The following LIPI variants were observed in gnomAD, a reference collection of about 807,000 sequenced individuals.
LIPI encodes the protein lipase member I.
In LIPI, 59 loss-of-function variants were observed where a neutral mutation model predicts 50.6. That is an observed-to-expected ratio of 1.16 (90% CI 0.94 to 1.45). LIPI has a LOEUF of 1.45. Ranked by LOEUF, LIPI falls within the 40% of genes most tolerant of loss-of-function variation. The pLI, the probability that LIPI is intolerant of heterozygous loss-of-function variation, is 0.00. For synonymous variants in LIPI, 203 were observed against 178.2 expected (o/e 1.14, Z -1.11); for missense variants, 586 against 536.3 (o/e 1.09, Z -0.92).
intron 9 of LIPI, among the ~76,000 whole-genome samples, chr21:14,115,668 C>T (rs984347094): frequency 8.5e-5 from 13 of 152,186 alleles, no homozygotes; most frequent in Middle Eastern, 3.4e-3. Flanking sequence ...ACGGTTTTCC[C>T]GTGTCTTGGA....
intron 8 of LIPI, among the ~76,000 whole-genome samples, chr21:14,147,897 T>G (rs2017961126): frequency 6.6e-6 from 1 of 152,170 alleles, no homozygotes; most frequent in Non-Finnish European, 1.5e-5. Flanking sequence ...TCATGTTATC[T>G]TTCATATGAA....
At chr21:14,207,922 AGAGG>A in intron 1 of LIPI, among the ~76,000 whole-genome samples, 1 of 152,324 alleles carries the variant, frequency 6.6e-6, no homozygotes, top group East Asian at 1.9e-4. Context: ...AACTGCATGT[AGAGG>A]GTTAAGTGAC....
At chr21:14,171,682 G>T (rs1339254654) in intron 4 of LIPI, among the ~76,000 whole-genome samples, 1 of 151,762 alleles carries the variant, frequency 6.6e-6, no homozygotes, top group East Asian at 1.9e-4. Context: ...GCTGAAACTG[G>T]ATCCCTTCCT....
At position 14,108,925 on chromosome 21, in the gene LIPI, CTGATTGCAT is replaced by C; in HGVS notation, c.*59_*67del. 1.9e-6 allele frequency: 3 copies of C among 1,589,516 alleles called. No homozygotes were observed. Among genetic ancestry groups the C allele is most frequent in the Non-Finnish European group, 2.6e-6 (3 of 1,159,904 alleles). On this transcript the variant is annotated 3_prime_UTR_variant, in exon 10 of 10. Transcript: ENST00000681601. ...AAATTGAACAGTGCATTATAAAAGA[CTGATTGCAT>C]TGTTTCATTTACAAGTCCATTAATT...
At chr21:14,172,005 C>T (rs2018928200) in intron 4 of LIPI, among the ~76,000 whole-genome samples, 1 of 151,616 alleles carries the variant, frequency 6.6e-6, no homozygotes, top group South Asian at 2.1e-4. Flanking sequence ...ACAATGAACT[C>T]AAACAAATTT....
intron 9 of LIPI, among the ~76,000 whole-genome samples, chr21:14,139,149 G>C (rs868500682): frequency 7.9e-5 from 12 of 151,988 alleles, no homozygotes; most frequent in African/African-American, 2.2e-4. Context: ...GGGATTATTA[G>C]AGTATTTTAT....
chr21:14,191,515 A>G (rs919729056), intron 1 of LIPI, among the ~76,000 whole-genome samples: 3 of 141,236 alleles, frequency 2.1e-5, no homozygotes, highest in African/African-American at 7.5e-5. Flanking sequence ...AAAAATAAAA[A>G]TAAACTTTTT....
intron 4 of LIPI, among the ~76,000 whole-genome samples, chr21:14,172,426 T>C (rs1407257188): frequency 6.6e-6 from 1 of 152,184 alleles, no homozygotes; most frequent in East Asian, 1.9e-4. Context: ...CGTATGTTTA[T>C]TGCAGCACTA....
At chr21:14,200,055 C>T (rs1358754114) in intron 1 of LIPI, among the ~76,000 whole-genome samples, 1 of 152,052 alleles carries the variant, frequency 6.6e-6, no homozygotes, top group Non-Finnish European at 1.5e-5. Context: ...TTCAACATCG[C>T]TTCATGCTAA....
chr21:14,172,583 G>A (rs2018954099), intron 4 of LIPI, among the ~76,000 whole-genome samples: 1 of 151,646 alleles, frequency 6.6e-6, no homozygotes, highest in South Asian at 2.1e-4. Flanking sequence ...GGATGAAATT[G>A]GAAATCATCA....
intron 9 of LIPI, among the ~76,000 whole-genome samples, chr21:14,124,027 TTTTGGAGGATGG>T (rs1374451571): frequency 1.3e-5 from 2 of 152,164 alleles, no homozygotes; most frequent in African/African-American, 4.8e-5. Context: ...CAAACTCACT[TTTTGGAGGATGG>T]TTCTCATGGT....
At position 14,196,879 on chromosome 21, in the gene LIPI, T is replaced by C. The variant is rs146495014; in HGVS notation, c.47-7460A>G. ...ACATTTAAATGTGTGTACATTTTAT[T>C]GTATTTATAGTAAACATCAATAAAA... On this transcript the variant is annotated intron_variant, in intron 1 of 9. Coordinates refer to ENST00000681601, the MANE Select transcript of LIPI (RefSeq NM_001302998.2). Among the ~76,000 whole-genome samples the C allele has an allele frequency of 9.0e-3, 1,375 of 152,202 alleles. 16 individuals carry two copies. The highest frequency in any genetic ancestry group is 0.031 in the African/African-American group (1,274 of 41,518).
At chr21:14,199,203 C>T (rs1271818206) in intron 1 of LIPI, among the ~76,000 whole-genome samples, 1 of 151,834 alleles carries the variant, frequency 6.6e-6, no homozygotes, top group Non-Finnish European at 1.5e-5. Flanking sequence ...GAACCAAGAA[C>T]AAACAAATCA....
chr21:14,137,041 C>T (rs2017524758), intron 9 of LIPI, among the ~76,000 whole-genome samples: 1 of 152,156 alleles, frequency 6.6e-6, no homozygotes, highest in South Asian at 2.1e-4. Context: ...AAAGCAGGAA[C>T]AGCTTAGATC....
At chr21:14,171,381 G>A (rs905843661) in intron 4 of LIPI, among the ~76,000 whole-genome samples, 7 of 149,680 alleles carry the variant, frequency 4.7e-5, no homozygotes, top group African/African-American at 1.7e-4. Context: ...AGTTCATATG[G>A]AACCAAAAAA....
chr21:14,116,491 A>T (rs1020990259), intron 9 of LIPI, among the ~76,000 whole-genome samples: 2 of 152,176 alleles, frequency 1.3e-5, no homozygotes, highest in Non-Finnish European at 2.9e-5. Context: ...AAAGCATTGA[A>T]GCCGACTCCA....
At chr21:14,140,989 C>T (rs1181608766) in intron 9 of LIPI, among the ~76,000 whole-genome samples, 2 of 152,158 alleles carry the variant, frequency 1.3e-5, no homozygotes, top group African/African-American at 4.8e-5. Flanking sequence ...AACATTGAAT[C>T]TTCTACTCCG....
At position 14,115,278 on chromosome 21, in the gene LIPI, A is replaced by G. The variant is rs534471989; in HGVS notation, c.1296-6198T>C. ...AGTTACAAGGTTGATACAGAAACAT[A>G]GTTTCCCAGGGATGTGGAACATATA... On this transcript the variant is annotated intron_variant, in intron 9 of 9. Coordinates refer to ENST00000681601, the MANE Select transcript of LIPI (RefSeq NM_001302998.2). Among the ~76,000 whole-genome samples the G allele has an allele frequency of 1.0e-3, 156 of 152,320 alleles. 3 individuals carry two copies. The Middle Eastern group carries it at 0.014, about 13-fold the overall frequency.
intron 8 of LIPI, among the ~76,000 whole-genome samples, chr21:14,148,854 T>A (rs2017993705): frequency 6.6e-6 from 1 of 152,226 alleles, no homozygotes; most frequent in Admixed American, 6.5e-5. Context: ...CACATGCGTA[T>A]ATGTTCCTGT....
Sources: allele counts gnomAD v4.1 joint callset (sites outside exome capture counted in the v4.1 genomes callset), GRCh38; gene constraint gnomAD v4.1.1; transcripts MANE v1.5; gene names NCBI Gene and HGNC (gene_info 2026-07-23, HGNC 2026-07-21).